Variants in MICAL3 observed in about 807,000 individuals in gnomAD.
MICAL3 encodes [F-actin]-monooxygenase MICAL3.
In MICAL3, 62 loss-of-function variants were observed where a neutral mutation model predicts 207.4. That is an observed-to-expected ratio of 0.30 (90% confidence interval 0.24 to 0.37). MICAL3 has a LOEUF of 0.37. Ranked by LOEUF, MICAL3 falls within the 10% of genes least tolerant of loss-of-function variation. The pLI is 1.00. For synonymous variants in MICAL3, 1,077 were observed against 1,069.3 expected, an observed-to-expected ratio of 1.01 and a Z score of -0.14; for missense variants, 2,368 against 2,635.6, an observed-to-expected ratio of 0.90 and a Z score of 2.22.
intron 1 of MICAL3, among the ~76,000 whole-genome samples, chr22:18,014,853 C>T (rs376042918): frequency 6.6e-6 from 1 of 151,754 alleles, no homozygotes. Context: ...ATTAGCCAGG[C>T]GTGGTGGCGG....
chr22:18,005,865 A>G (rs1923355844), intron 1 of MICAL3: 1 of 152,194 alleles, frequency 6.6e-6, no homozygotes, highest in African/African-American at 2.4e-5. Context: ...ACTCCCCTGC[A>G]AATACAGGCT....
At position 17,810,731 on chromosome 22, in the gene MICAL3, T is replaced by C; in HGVS notation, c.5528A>G (p.Glu1843Gly). ...QKAARRQAKQ[E>G]ELKRLHRAQI... ...GGCTCGATGCAGCCGCTTAAGCTCC[T>C]CCTGCTTGGCCTGTCTCCGAGCTGC... The change falls in exon 28 of 32, where the codon GAG (glutamate) becomes GGG (glycine). Residue 1843 changes from glutamate to glycine, a missense_variant. Physicochemically the swap from Glu to Gly is moderately conservative, Grantham distance 98. Around this residue, in one of 4 missense-constraint regions of MICAL3, gnomAD observed 1,770 missense variants for 1,863.2 expected, o/e 0.95. Coordinates refer to ENST00000441493, the MANE Select transcript of MICAL3 (RefSeq NM_015241.3). 6.2e-7 allele frequency: 1 copy of C among 1,613,964 alleles called. No homozygotes were observed. The highest frequency in any genetic ancestry group is 8.5e-7 in the Non-Finnish European group (1 of 1,179,834).
chr22:18,008,699 T>C (rs1056727988), intron 1 of MICAL3, among the ~76,000 whole-genome samples: 1 of 152,202 alleles, frequency 6.6e-6, no homozygotes, highest in Admixed American at 6.5e-5. Context: ...TAATATCTCA[T>C]AGTGAGGTTT....
In MICAL3 at chr22:17,808,832, G is replaced by A. The variant is rs2062014094; in HGVS notation, c.5650+12C>T. 2 of 1,550,634 alleles carry A rather than the reference G, an allele frequency of 1.3e-6. No individual in the cohort carries two copies. Among genetic ancestry groups the A allele is most frequent in the East Asian group, 2.4e-5 (1 of 40,938 alleles). On this transcript the variant is annotated intron_variant, in intron 29 of 31. Transcript: ENST00000441493. ...CTCCAGGAGCAGAGCTTAGGAGGGA[G>A]CCCGGCAGTACCTGCTTCGCCCCGG... is the stretch of plus-strand genomic sequence containing the variant.
At chr22:18,019,275 T>A (rs1245076585) in intron 1 of MICAL3, 3 of 154,508 alleles carry the variant, frequency 1.9e-5, no homozygotes, top group African/African-American at 7.2e-5. Flanking sequence ...TGTATTATTG[T>A]GTATTCTGCC....
At chr22:17,944,150 G>GAAA (rs1165972924) in intron 1 of MICAL3, among the ~76,000 whole-genome samples, 2 of 152,142 alleles carry the variant, frequency 1.3e-5, no homozygotes, top group Non-Finnish European at 2.9e-5. Context: ...CCACTCCAGT[G>GAAA]GAGAGAGAGA....
chr22:17,869,049 G>A (rs1229527164), intron 17 of MICAL3, among the ~76,000 whole-genome samples: 1 of 152,184 alleles, frequency 6.6e-6, no homozygotes, highest in Non-Finnish European at 1.5e-5. Flanking sequence ...GTGGAGACCA[G>A]GGGGTGTGCT....
intron 1 of MICAL3, among the ~76,000 whole-genome samples, chr22:17,939,416 A>G (rs1379839831): frequency 2.6e-5 from 4 of 152,230 alleles, no homozygotes; most frequent in Non-Finnish European, 5.9e-5. Context: ...CCAGTGCCAC[A>G]AAGAAGAAGG....
intron 1 of MICAL3, among the ~76,000 whole-genome samples, chr22:18,011,599 G>A (rs1014626471): frequency 1.3e-4 from 19 of 147,372 alleles, no homozygotes; most frequent in Non-Finnish European, 2.4e-4. Flanking sequence ...GGCCAGGCGC[G>A]GTGGCTCACA....
intron 1 of MICAL3, among the ~76,000 whole-genome samples, chr22:17,945,116 T>C (rs371900361): frequency 3.8e-4 from 58 of 151,814 alleles, no homozygotes; most frequent in African/African-American, 1.4e-3. Context: ...CTATTAGGGC[T>C]GAGTGCTGTC....
At chr22:17,896,474 C>G in intron 8 of MICAL3, 113 bp from the exon 9 acceptor site, 1 of 776,674 alleles carries the variant, frequency 1.3e-6, no homozygotes, top group Non-Finnish European at 2.1e-6. Flanking sequence ...GCAACTGTTT[C>G]AATAACAAAT....
intron 1 of MICAL3, among the ~76,000 whole-genome samples, chr22:17,978,691 G>A (rs1935767168): frequency 6.6e-6 from 1 of 151,864 alleles, no homozygotes; most frequent in African/African-American, 2.4e-5. Context: ...GCTAATTTTT[G>A]TAGTTTTAGT....
At chr22:17,840,716 G>T (rs2587110) in intron 20 of MICAL3, 38,194 of 148,974 alleles carry the variant, frequency 0.26, 4,948 homozygotes, top group Non-Finnish European at 0.29. Flanking sequence ...AGGGTCAGTG[G>T]AGAGAGAGAG....
intron 1 of MICAL3, among the ~76,000 whole-genome samples, chr22:18,007,691 C>T (rs1029262571): frequency 8.3e-5 from 12 of 144,760 alleles, no homozygotes; most frequent in East Asian, 6.2e-4. Context: ...CTGTGGCTCA[C>T]GCCTGTAATC....
At chr22:17,797,330 G>A (rs751735707) in intron 29 of MICAL3, among the ~76,000 whole-genome samples, 4 of 152,066 alleles carry the variant, frequency 2.6e-5, no homozygotes, top group South Asian at 2.1e-4. Flanking sequence ...GTGAGACCCC[G>A]TCTCTACAAC....
intron 19 of MICAL3, among the ~76,000 whole-genome samples, chr22:17,852,508 GCA>G (rs1925439255): frequency 6.6e-6 from 1 of 152,200 alleles, no homozygotes; most frequent in Admixed American, 6.5e-5. Flanking sequence ...GTGCAGGAGC[GCA>G]CAGCCCAGGC....
chr22:17,896,883 C>T lies in MICAL3; in HGVS notation c.1047G>A (p.Gln349=), dbSNP rs375195110. 39 of 1,614,086 alleles carry T rather than the reference C, an allele frequency of 2.4e-5. No individual in the cohort carries two copies. In the African/African-American group the frequency reaches 4.1e-4, roughly 17 times the overall value. ...TGGCAAAATCCAGAGACGGCAGCTGCTGCTGGGTAGAGAAGTCTGCCGCCT... is the reference window on the plus strand; with the variant it reads ...TGGCAAAATCCAGAGACGGCAGCTGTTGCTGGGTAGAGAAGTCTGCCGCCT... The part of the protein sequence containing the change: ...AREAADFSTQ[Q]QLPSLDFAIN... The change falls in exon 8 of 32, where the codon CAG becomes CAA. Residue 349 remains glutamine (Q), a synonymous_variant. Coordinates refer to ENST00000441493, the MANE Select transcript of MICAL3 (RefSeq NM_015241.3).
rs558287606 is a variant in MICAL3 at position 17,896,661 on chromosome 22, G to A, written c.1206+63C>T. Reference sequence around the variant, plus strand: ...AGACGCTCATTCCAAGACCCAGGATGCCCAGATTCACTCCTAATTATTCCT... The same window carrying A: ...AGACGCTCATTCCAAGACCCAGGATACCCAGATTCACTCCTAATTATTCCT... On this transcript the variant is annotated intron_variant, in intron 8 of 31. Transcript: ENST00000441493. 5.8e-5 allele frequency: 89 copies of A among 1,532,052 alleles called. No homozygotes were observed. The Middle Eastern group carries it at 1.7e-3, about 30-fold the overall frequency. The allele number at this position is 1,532,052 out of a possible 1,614,324, so 94.9% of individuals were successfully genotyped here.
intron 1 of MICAL3, among the ~76,000 whole-genome samples, chr22:17,982,404 C>A (rs111747811): frequency 6.6e-6 from 1 of 152,336 alleles, no homozygotes; most frequent in Admixed American, 6.5e-5. Context: ...TGGCCAGGCA[C>A]GGTGGCTCAT....
Sources: allele counts gnomAD v4.1 joint callset (sites outside exome capture counted in the v4.1 genomes callset), GRCh38; gene constraint gnomAD v4.1.1; regional missense constraint gnomAD v4.1.1; transcripts MANE v1.5; gene names NCBI Gene and HGNC (gene_info 2026-07-23, HGNC 2026-07-21).